Variants in TENM3 observed in about 807,000 individuals in gnomAD.
The protein encoded by TENM3 is teneurin transmembrane protein 3, also known as teneurin-3.
Under a neutral mutation model 255.1 loss-of-function variants are expected in TENM3, and 63 were observed. That is an observed-to-expected ratio of 0.25 (90% CI 0.20 to 0.30). The LOEUF is 0.30. TENM3 is among the 10% of genes least tolerant of loss of function. TENM3 has a pLI of 1.00. For missense variants in TENM3, 2,929 were observed against 3,461.1 expected (o/e 0.85, Z 3.86); for synonymous variants, 1,306 against 1,322.3 (o/e 0.99, Z 0.27).
At chr4:182,708,523 G>C (rs1758468761) in intron 12 of TENM3, among the ~76,000 whole-genome samples, 1 of 152,214 alleles carries the variant, frequency 6.6e-6, no homozygotes, top group Non-Finnish European at 1.5e-5. Flanking sequence ...GACCTGGCGG[G>C]GCGTGGTGGC....
the TENM3 span, among the ~76,000 whole-genome samples, chr4:181,553,260 AGTGTGTGTGTGTGTGT>A: frequency 3.0e-5 from 4 of 133,466 alleles, no homozygotes; most frequent in East Asian, 2.3e-4. Flanking sequence ...ATAGTCATTA[AGTGTGTGTGTGTGTGT>A]GTGTGTGTGT....
chr4:181,495,575 G>C, the TENM3 span, among the ~76,000 whole-genome samples: 3 of 151,926 alleles, frequency 2.0e-5, no homozygotes, highest in Non-Finnish European at 4.4e-5. Context: ...GAGAGAGAGA[G>C]AGAGAGACAT....
the TENM3 span, among the ~76,000 whole-genome samples, chr4:181,686,527 G>A: frequency 0.053 from 8,103 of 151,838 alleles, 283 homozygotes; most frequent in Middle Eastern, 0.13. Context: ...CATTTATTGC[G>A]CCCAATTAGG....
chr4:181,891,191 C>G, the TENM3 span, among the ~76,000 whole-genome samples: 2 of 152,102 alleles, frequency 1.3e-5, no homozygotes, highest in Admixed American at 6.6e-5. Flanking sequence ...AGCTCAAAAA[C>G]GTAAATTAGT....
intron 12 of TENM3, among the ~76,000 whole-genome samples, chr4:182,688,826 T>C (rs1488006549): frequency 6.6e-6 from 1 of 152,188 alleles, no homozygotes; most frequent in Admixed American, 6.5e-5. Flanking sequence ...TTTGACTTAT[T>C]ATGACTTCAT....
At chr4:182,161,673 A>ATATATATACACATATATG (rs1386724701) in intron 1 of TENM3, among the ~76,000 whole-genome samples, 8 of 60,026 alleles carry the variant, frequency 1.3e-4, no homozygotes, top group African/African-American at 2.5e-4. Flanking sequence ...AAATATATAT[A>ATATATATACACATATATG]TGTATATATA....
chr4:182,783,435 T>C (rs939775809), intron 24 of TENM3, among the ~76,000 whole-genome samples: 2 of 152,252 alleles, frequency 1.3e-5, no homozygotes, highest in Admixed American at 1.3e-4. Flanking sequence ...GCTATTAGTC[T>C]GATGGGCTTC....
chr4:181,581,439 T>C, the TENM3 span, among the ~76,000 whole-genome samples: 2 of 151,394 alleles, frequency 1.3e-5, no homozygotes, highest in Non-Finnish European at 3.0e-5. Flanking sequence ...AGACTCCATC[T>C]CAAAAACAAA....
the TENM3 span, among the ~76,000 whole-genome samples, chr4:181,566,016 C>A: frequency 1.3e-5 from 2 of 152,068 alleles, no homozygotes; most frequent in African/African-American, 2.4e-5. Flanking sequence ...AAACCACATA[C>A]TACTACATGC....
At chr4:182,403,871 A>G (rs1769373667) in intron 3 of TENM3, among the ~76,000 whole-genome samples, 1 of 152,112 alleles carries the variant, frequency 6.6e-6, no homozygotes, top group Admixed American at 6.5e-5. Context: ...GGCGTGTGCC[A>G]CCACACCCAG....
intron 3 of TENM3, among the ~76,000 whole-genome samples, chr4:182,352,709 A>T (rs1765265895): frequency 6.6e-6 from 1 of 152,148 alleles, no homozygotes; most frequent in African/African-American, 2.4e-5. Context: ...TTGAAATGGT[A>T]TTTTAAGTCT....
chr4:181,571,508 G>A, the TENM3 span, among the ~76,000 whole-genome samples: 1 of 151,918 alleles, frequency 6.6e-6, no homozygotes, highest in Admixed American at 6.6e-5. Context: ...AGGTAATTTA[G>A]AAAAAACTTT....
At chr4:182,155,586 C>A (rs562847088) in intron 1 of TENM3, among the ~76,000 whole-genome samples, 111 of 152,176 alleles carry the variant, frequency 7.3e-4, no homozygotes, top group African/African-American at 2.6e-3. Flanking sequence ...CTTTCATAAT[C>A]TTTCATAATT....
intron 1 of TENM3, among the ~76,000 whole-genome samples, chr4:182,299,304 C>A (rs1239280157): frequency 6.6e-6 from 1 of 152,018 alleles, no homozygotes; most frequent in Non-Finnish European, 1.5e-5. Flanking sequence ...TTTGATTGGC[C>A]ACTTTCTGAA....
the TENM3 span, among the ~76,000 whole-genome samples, chr4:182,010,720 T>G: frequency 2.0e-5 from 3 of 152,210 alleles, no homozygotes; most frequent in Non-Finnish European, 4.4e-5. Context: ...TTTTTATAAT[T>G]CCTATTTTAT....
chr4:182,573,401 G>T (rs1744600610), intron 3 of TENM3, among the ~76,000 whole-genome samples: 4 of 152,028 alleles, frequency 2.6e-5, no homozygotes, highest in Admixed American at 2.0e-4. Context: ...ATATTCCTCA[G>T]AACAAACATT....
intron 3 of TENM3, among the ~76,000 whole-genome samples, chr4:182,486,268 G>T (rs1734697731): frequency 1.9e-5 from 2 of 105,224 alleles, no homozygotes; most frequent in African/African-American, 7.7e-5. Flanking sequence ...AAAGAAAAAG[G>T]TTCTACTTTG....
the TENM3 span, among the ~76,000 whole-genome samples, chr4:181,878,169 C>A: frequency 6.6e-6 from 1 of 152,040 alleles, no homozygotes; most frequent in Non-Finnish European, 1.5e-5. Flanking sequence ...ATGACTGAAC[C>A]TAGTTTGAGA....
the TENM3 span, among the ~76,000 whole-genome samples, chr4:181,942,056 C>T: frequency 6.6e-6 from 1 of 152,132 alleles, no homozygotes; most frequent in Non-Finnish European, 1.5e-5. Flanking sequence ...GACCTGCTTT[C>T]GGCCGTGATC....
Sources: gnomAD v4.1 joint callset for allele counts (sites outside exome capture counted in the v4.1 genomes callset) on GRCh38, gnomAD v4.1.1 for gene constraint, MANE v1.5 for transcripts, NCBI Gene and HGNC (gene_info 2026-07-23, HGNC 2026-07-21) for gene names.